The following MAP4 variants were observed in gnomAD, a reference collection of about 807,000 sequenced individuals.
The protein encoded by MAP4 is microtubule-associated protein 4.
In MAP4, 76 loss-of-function variants were observed where a neutral mutation model predicts 170.2. That is an observed-to-expected ratio of 0.45 (90% confidence interval 0.37 to 0.54). MAP4 has a LOEUF of 0.54. MAP4 is among the 20% of genes least tolerant of loss of function. The pLI, the probability that MAP4 is intolerant of heterozygous loss-of-function variation, is 0.00. For missense variants in MAP4, 2,506 were observed against 2,748.0 expected (o/e 0.91, Z 1.97); for synonymous variants, 909 against 994.5 (o/e 0.91, Z 1.62).
At chr3:48,055,054 A>ATTTCTCCC (rs2100130034) in intron 1 of MAP4, among the ~76,000 whole-genome samples, 1 of 152,194 alleles carries the variant, frequency 6.6e-6, no homozygotes, top group Non-Finnish European at 1.5e-5. Context: ...TGGAGACAGA[A>ATTTCTCCC]AGCCAAGTAG....
At chr3:48,048,676 T>C (rs750622409) in intron 1 of MAP4, among the ~76,000 whole-genome samples, 1 of 151,940 alleles carries the variant, frequency 6.6e-6, no homozygotes. Context: ...GCCGCCACAC[T>C]GGGCTAATTT....
At chr3:47,957,802 T>C (rs1347962994) in intron 3 of MAP4, among the ~76,000 whole-genome samples, 2 of 152,042 alleles carry the variant, frequency 1.3e-5, no homozygotes, top group East Asian at 1.9e-4. Context: ...AAGGATGGGG[T>C]AATGATTTCA....
Position 47,870,930 on chromosome 3 carries a change from G to A in MAP4, c.6177C>T (p.Ser2059=). The A allele has an allele frequency of 1.1e-5, 17 of 1,614,134 alleles. No homozygotes were observed. The highest frequency in any genetic ancestry group is 1.4e-5 in the Non-Finnish European group (16 of 1,179,980). The change falls in exon 15 of 21, where the codon AGC becomes AGT. Residue 2059 remains serine, a synonymous_variant. Transcript: ENST00000683076. Reference sequence around the variant, plus strand: ...GGCGGCTGAGCCGGGGGGTGGTGGAGCTGGGTTTGGCCGAGGTGGGCTTCT... The same window carrying A: ...GGCGGCTGAGCCGGGGGGTGGTGGAACTGGGTTTGGCCGAGGTGGGCTTCT... ...IDKKPTSAKP[S]STTPRLSRLA...
intron 1 of MAP4, among the ~76,000 whole-genome samples, chr3:48,048,385 T>C (rs2100125678): frequency 6.6e-6 from 1 of 151,996 alleles, no homozygotes; most frequent in African/African-American, 2.4e-5. Flanking sequence ...GCATCACTTA[T>C]TTGGCAACAT....
chr3:48,035,956 A>C (rs966396112), intron 1 of MAP4, among the ~76,000 whole-genome samples: 2 of 152,124 alleles, frequency 1.3e-5, no homozygotes, highest in African/African-American at 2.4e-5. Context: ...TCAAAAAAAA[A>C]CAGCAGTTAT....
chr3:47,871,020 C>A lies in MAP4; in HGVS notation c.6087G>T (p.Val2029=), dbSNP rs984066526. The change falls in exon 15 of 21, where the codon GTG becomes GTT. Residue 2029 remains valine, a synonymous_variant. Coordinates refer to ENST00000683076, the MANE Select transcript of MAP4 (RefSeq NM_001385682.1). ...TLSGTAPAAG[V]VPSRVKATPM... ...GTGTGGCCTTGACTCGGCTGGGAAC[C>A]ACCCCTGCAGCGGGGGCTGTCCCAC... is the stretch of plus-strand genomic sequence containing the variant. 1 of 1,614,124 alleles carries A rather than the reference C, an allele frequency of 6.2e-7. No individual in the cohort carries two copies. Among genetic ancestry groups the A allele is most frequent in the South Asian group, 1.1e-5 (1 of 91,078 alleles).
chr3:47,910,067 T>C lies in MAP4; in HGVS notation c.4354A>G (p.Lys1452Glu), dbSNP rs2100035201. The C allele has an allele frequency of 1.9e-6, 3 of 1,614,024 alleles. No individual in the cohort carries two copies. The highest frequency in any genetic ancestry group is 2.5e-6 in the Non-Finnish European group (3 of 1,179,892). Reference protein sequence around the residue: ...KLPTPTPQVVKEGDSFPDTLA... With the variant: ...KLPTPTPQVVEEGDSFPDTLA... ...GTATCTGGAAAGGAATCACCTTCCT[T>C]TACTACTTGAGGAGTAGGAGTGGGC... is the stretch of plus-strand genomic sequence containing the variant. Residue 1452 changes from lysine to glutamate, a missense_variant, in exon 9 of 21, where the codon AAG becomes GAG. Around this residue, in one of 3 missense-constraint regions of MAP4, gnomAD observed 2,008 missense variants for 2,206.0 expected, o/e 0.91. Transcript: ENST00000683076.
At chr3:48,001,868 C>A (rs912976602) in intron 1 of MAP4, among the ~76,000 whole-genome samples, 1 of 152,072 alleles carries the variant, frequency 6.6e-6, no homozygotes. Flanking sequence ...GTTCCTAAAT[C>A]ATATCTTTTT....
At chr3:47,907,353 T>TA (rs1041269958) in intron 9 of MAP4, among the ~76,000 whole-genome samples, 1 of 152,216 alleles carries the variant, frequency 6.6e-6, no homozygotes, top group Non-Finnish European at 1.5e-5. Flanking sequence ...GAGGCCAACT[T>TA]ACGTTTTACT....
chr3:48,050,774 G>A (rs777225159), intron 1 of MAP4, among the ~76,000 whole-genome samples: 5 of 151,282 alleles, frequency 3.3e-5, no homozygotes, highest in East Asian at 2.0e-4. Flanking sequence ...GCATGGTGGC[G>A]CATGCCTGTA....
chr3:48,080,790 C>A (rs2100146235), intron 1 of MAP4, among the ~76,000 whole-genome samples: 1 of 152,052 alleles, frequency 6.6e-6, no homozygotes, highest in African/African-American at 2.4e-5. Context: ...ACCATCCTGG[C>A]TAACATGGGG....
intron 1 of MAP4, among the ~76,000 whole-genome samples, chr3:48,063,391 G>C (rs1267749211): frequency 1.3e-5 from 2 of 149,502 alleles, no homozygotes; most frequent in African/African-American, 2.5e-5. Context: ...ACAACATAGC[G>C]AGACCTGTGT....
Position 48,086,366 on chromosome 3 carries a change from G to A in MAP4, c.-20+2407C>T, listed in dbSNP as rs113996543. On this transcript the variant is annotated intron_variant, in intron 1 of 18. Transcript: ENST00000360240. ...AAATAAAAATAAATGGCCGGGCATG[G>A]TGGCTTGCACCTGTAATCCCAGGGC... 2.0e-3 allele frequency among the ~76,000 whole-genome samples: 311 copies of A among 152,272 alleles called. 1 individual carries two copies. The highest frequency in any genetic ancestry group is 7.0e-3 in the African/African-American group (293 of 41,570).
intron 1 of MAP4, among the ~76,000 whole-genome samples, chr3:48,006,367 G>A (rs969319319): frequency 6.6e-6 from 1 of 152,140 alleles, no homozygotes; most frequent in Non-Finnish European, 1.5e-5. Flanking sequence ...GATGACTCCA[G>A]GGGACTTAAA....
chr3:47,945,685 AC>A (rs2100059341), intron 3 of MAP4, among the ~76,000 whole-genome samples: 1 of 151,930 alleles, frequency 6.6e-6, no homozygotes, highest in Non-Finnish European at 1.5e-5. Context: ...AATTTTATTT[AC>A]TTTTTTTGCT....
rs567827441 is a variant in MAP4 at position 47,877,460 on chromosome 3, G to A, written c.5498C>T (p.Pro1833Leu). ...GCTTGGTGGGAGCTCCTTGTTCGGT[G>A]GGGTGGTGATGTCATTTCCTGTCCC... ...VSGTGNDITT[P>L]PNKELPPSPE... The change falls in exon 11 of 21, where the codon CCA becomes CTA. Residue 1833 changes from proline (P) to leucine (L), a missense_variant. Coordinates refer to ENST00000683076, the MANE Select transcript of MAP4 (RefSeq NM_001385682.1). 1 of 1,613,974 alleles carries A rather than the reference G, an allele frequency of 6.2e-7. No individual in the cohort carries two copies. The highest frequency in any genetic ancestry group is 1.1e-5 in the South Asian group (1 of 91,056).
At chr3:48,068,264 C>CAA (rs34691079) in intron 1 of MAP4, among the ~76,000 whole-genome samples, 1,767 of 106,098 alleles carry the variant, frequency 0.017, 38 homozygotes, top group African/African-American at 0.027. Context: ...GATTCTGTCT[C>CAA]AAAAAAAAAA....
chr3:47,894,877 T>C (rs1270132809), intron 10 of MAP4, among the ~76,000 whole-genome samples: 1 of 151,654 alleles, frequency 6.6e-6, no homozygotes, highest in Admixed American at 6.6e-5. Context: ...AGTACAAAAA[T>C]TTAGGTGGGC....
rs1157266578 is a variant in MAP4 at position 48,027,160 on chromosome 3, A to G, written c.-19-28281T>C. On this transcript the variant is annotated intron_variant, in intron 1 of 18. Coordinates refer to the MAP4 transcript ENST00000360240. ...CTAGTAAGACTTCCTGAAGTCTCCA[A>G]CTCATAAATGGTCATTGTTTCACAG... 3.9e-5 allele frequency among the ~76,000 whole-genome samples: 6 copies of G among 152,348 alleles called. No homozygotes were observed. The South Asian group carries it at 1.0e-3, about 26-fold the overall frequency.
Sources: gnomAD v4.1 joint callset for allele counts (sites outside exome capture counted in the v4.1 genomes callset) on GRCh38, gnomAD v4.1.1 for gene constraint, gnomAD v4.1.1 regional missense constraint, MANE v1.5 for transcripts, NCBI Gene and HGNC (gene_info 2026-07-23, HGNC 2026-07-21) for gene names.